The following ACBD6 variants were observed in gnomAD, a reference collection of about 807,000 sequenced individuals.
The protein encoded by ACBD6 is acyl-CoA-binding domain-containing protein 6.
Under a neutral mutation model 37.2 loss-of-function variants are expected in ACBD6, and 28 were observed. That is an observed-to-expected ratio of 0.75 (90% CI 0.56 to 1.03). The LOEUF (loss-of-function observed/expected upper bound fraction) is 1.03. Among genes scored for constraint, ACBD6 ranks in the 50% least tolerant of loss-of-function variants. The probability of loss-of-function intolerance (pLI) is 0.00; values close to 1 mark genes in which losing one functional copy is unlikely to be tolerated. For synonymous variants in ACBD6, 113 were observed against 126.8 expected, an observed-to-expected ratio of 0.89 and a Z score of 0.73; for missense variants, 340 against 337.4, an observed-to-expected ratio of 1.01 and a Z score of -0.06.
intron 6 of ACBD6, among the ~76,000 whole-genome samples, chr1:180,347,226 A>G (rs1652218164): frequency 2.0e-5 from 3 of 152,196 alleles, no homozygotes; most frequent in African/African-American, 7.2e-5. Context: ...ACTTGAAATC[A>G]TGTCATGTTA....
chr1:180,404,973 C>T (rs1035778855), intron 5 of ACBD6, among the ~76,000 whole-genome samples: 1 of 152,154 alleles, frequency 6.6e-6, no homozygotes, highest in African/African-American at 2.4e-5. Context: ...GCACTGCCTA[C>T]ATGAATGCAA....
intron 3 of ACBD6, among the ~76,000 whole-genome samples, chr1:180,443,172 T>C (rs1244237886): frequency 6.6e-6 from 1 of 152,242 alleles, no homozygotes; most frequent in East Asian, 1.9e-4. Flanking sequence ...AGGCTCAATT[T>C]TAAGCAGTGT....
At chr1:180,381,308 T>C (rs932146488) in intron 6 of ACBD6, among the ~76,000 whole-genome samples, 1 of 152,182 alleles carries the variant, frequency 6.6e-6, no homozygotes, top group East Asian at 1.9e-4. Context: ...ACAGAAATCA[T>C]CTAGACAGAA....
At chr1:180,299,218 T>G (rs1650036456) in intron 7 of ACBD6, among the ~76,000 whole-genome samples, 1 of 152,212 alleles carries the variant, frequency 6.6e-6, no homozygotes. Flanking sequence ...GAGTCATCTT[T>G]CAGAAATGTG....
chr1:180,297,476 A>C (rs748958532), intron 7 of ACBD6, among the ~76,000 whole-genome samples: 1 of 152,146 alleles, frequency 6.6e-6, no homozygotes, highest in Non-Finnish European at 1.5e-5. Flanking sequence ...CAAGATACAG[A>C]TATTAATATC....
chr1:180,400,813 A>G (rs1647319163), intron 5 of ACBD6, among the ~76,000 whole-genome samples: 1 of 152,180 alleles, frequency 6.6e-6, no homozygotes, highest in African/African-American at 2.4e-5. Flanking sequence ...TTTGTTAACC[A>G]CAAACACACC....
At chr1:180,495,231 A>C (rs904397129) in intron 2 of ACBD6, among the ~76,000 whole-genome samples, 7 of 152,232 alleles carry the variant, frequency 4.6e-5, no homozygotes, top group African/African-American at 1.2e-4. Context: ...TAAGGCATGT[A>C]TGTCTGTTGT....
chr1:180,460,253 G>A (rs773471821), intron 3 of ACBD6, among the ~76,000 whole-genome samples: 4 of 151,446 alleles, frequency 2.6e-5, no homozygotes, highest in Non-Finnish European at 5.9e-5. Flanking sequence ...ATTGTTCTCT[G>A]CCTGACAGAA....
intron 6 of ACBD6, among the ~76,000 whole-genome samples, chr1:180,350,020 ACCCTT>A (rs1652346327): frequency 1.4e-5 from 1 of 70,682 alleles, no homozygotes; most frequent in Non-Finnish European, 3.3e-5. Context: ...CTCTCCAGTG[ACCCTT>A]TTTTTTTTTT....
chr1:180,498,118 G>A (rs1254362989), intron 1 of ACBD6, among the ~76,000 whole-genome samples: 1 of 152,104 alleles, frequency 6.6e-6, no homozygotes, highest in African/African-American at 2.4e-5. Context: ...TTCAAATGTT[G>A]ACACATTTCA....
intron 2 of ACBD6, among the ~76,000 whole-genome samples, chr1:180,493,287 G>T (rs1354043282): frequency 2.0e-5 from 2 of 100,462 alleles, no homozygotes; most frequent in Non-Finnish European, 3.9e-5. Flanking sequence ...AACAACAACA[G>T]CAACTAAAGA....
At chr1:180,420,071 C>T (rs1417374079) in intron 4 of ACBD6, among the ~76,000 whole-genome samples, 1 of 152,214 alleles carries the variant, frequency 6.6e-6, no homozygotes, top group Non-Finnish European at 1.5e-5. Context: ...TGTCTAATGT[C>T]AATCTCTTTG....
At chr1:180,337,706 A>G (rs1374741932) in intron 6 of ACBD6, among the ~76,000 whole-genome samples, 1 of 151,928 alleles carries the variant, frequency 6.6e-6, no homozygotes, top group African/African-American at 2.4e-5. Flanking sequence ...AAAAGAGGAA[A>G]TCAAATTGTC....
chr1:180,419,210 C>T (rs900971907), intron 4 of ACBD6, among the ~76,000 whole-genome samples: 6 of 152,110 alleles, frequency 3.9e-5, no homozygotes, highest in Admixed American at 6.5e-5. Context: ...GAGATCGCGC[C>T]ACTGCACTCC....
chr1:180,282,445 C>A (rs752637576), intron 8 of ACBD6, among the ~76,000 whole-genome samples: 1 of 152,158 alleles, frequency 6.6e-6, no homozygotes, highest in Admixed American at 6.5e-5. Context: ...TAGATTTCAA[C>A]AGATGGCTTC....
chr1:180,327,271 G>T (rs1237817873), intron 6 of ACBD6, among the ~76,000 whole-genome samples: 1 of 152,182 alleles, frequency 6.6e-6, no homozygotes, highest in African/African-American at 2.4e-5. Flanking sequence ...GCTGAGCCCT[G>T]CATGGCTTTG....
At chr1:180,449,537 A>G (rs927869012) in intron 3 of ACBD6, among the ~76,000 whole-genome samples, 7 of 151,656 alleles carry the variant, frequency 4.6e-5, no homozygotes, top group Non-Finnish European at 1.0e-4. Flanking sequence ...CCTCCTGAGT[A>G]GCTGGGATTA....
intron 3 of ACBD6, among the ~76,000 whole-genome samples, chr1:180,442,543 G>A (rs902767572): frequency 6.6e-6 from 1 of 152,108 alleles, no homozygotes; most frequent in African/African-American, 2.4e-5. Context: ...ACTAAATTTT[G>A]TTTCTGTCTT....
chr1:180,421,337 G>T (rs1648354181), intron 4 of ACBD6, among the ~76,000 whole-genome samples: 1 of 152,138 alleles, frequency 6.6e-6, no homozygotes, highest in Non-Finnish European at 1.5e-5. Flanking sequence ...CCCTGCAAAG[G>T]ACATGATCTT....
Sources: gnomAD v4.1 joint callset for allele counts (sites outside exome capture counted in the v4.1 genomes callset) on GRCh38, gnomAD v4.1.1 for gene constraint, MANE v1.5 for transcripts, NCBI Gene and HGNC (gene_info 2026-07-23, HGNC 2026-07-21) for gene names.